Variants in CLVS1 observed in about 807,000 individuals in gnomAD.
CLVS1 encodes the protein clavesin 1.
In CLVS1, 10 loss-of-function variants were observed where a neutral mutation model predicts 33.1. The observed-to-expected ratio is 0.30, with a 90% CI of 0.19 to 0.51. The LOEUF (loss-of-function observed/expected upper bound fraction) is 0.51. CLVS1 is among the 20% of genes least tolerant of loss of function. The pLI is 0.97. For missense variants in CLVS1, 343 were observed against 433.4 expected (o/e 0.79, Z 1.85); for synonymous variants, 163 against 166.1 (o/e 0.98, Z 0.14).
In CLVS1 at chr8:61,421,342, C is replaced by A. The variant is rs147218879; in HGVS notation, c.631-32799C>A. On this transcript the variant is annotated intron_variant, in intron 3 of 5. Transcript: ENST00000325897. ...GAGGAGTATATAAAGCAATGCCCTGCAGAATAAAGACAAAAATAAAGCAAC... is the reference window on the plus strand; with the variant it reads ...GAGGAGTATATAAAGCAATGCCCTGAAGAATAAAGACAAAAATAAAGCAAC... 8.6e-3 allele frequency among the ~76,000 whole-genome samples: 1,305 copies of A among 152,186 alleles called. 13 individuals carry two copies. Among genetic ancestry groups the A allele is most frequent in the South Asian group, 0.04 (191 of 4,808 alleles).
intron 2 of CLVS1, among the ~76,000 whole-genome samples, chr8:61,276,581 A>G (rs1216723561): frequency 1.3e-5 from 2 of 152,228 alleles, no homozygotes; most frequent in East Asian, 1.9e-4. Context: ...AGATTGCACT[A>G]TAATTATTTG....
chr8:61,384,571 T>A (rs1410718793), intron 3 of CLVS1, among the ~76,000 whole-genome samples: 9 of 152,112 alleles, frequency 5.9e-5, no homozygotes, highest in Non-Finnish European at 1.3e-4. Context: ...GGGTGAATGG[T>A]GATGCCGACT....
the CLVS1 span, among the ~76,000 whole-genome samples, chr8:61,050,844 G>T: frequency 2.6e-5 from 4 of 152,208 alleles, no homozygotes. Flanking sequence ...CCGTATCTCT[G>T]GGCAGCTATT....
chr8:61,187,848 CAT>C (rs1486770499), intron 2 of CLVS1, among the ~76,000 whole-genome samples: 7 of 149,494 alleles, frequency 4.7e-5, no homozygotes, highest in African/African-American at 4.9e-5. Context: ...CATGTACACA[CAT>C]ATATGTAATA....
intron 2 of CLVS1, chr8:61,202,860 T>C: frequency 3.2e-6 from 3 of 951,350 alleles, no homozygotes; most frequent in Non-Finnish European, 4.9e-6. Context: ...ATGAAGAAGA[T>C]GATGATGATG....
At chr8:61,469,112 A>G (rs929600686) in intron 5 of CLVS1, among the ~76,000 whole-genome samples, 2 of 152,238 alleles carry the variant, frequency 1.3e-5, no homozygotes, top group Admixed American at 1.3e-4. Flanking sequence ...TGACCACTCA[A>G]CAAATATTTA....
chr8:61,119,131 C>T (rs1805803538), intron 1 of CLVS1, among the ~76,000 whole-genome samples: 1 of 152,092 alleles, frequency 6.6e-6, no homozygotes, highest in Admixed American at 6.6e-5. Flanking sequence ...ATGTAATGGC[C>T]TTCTTTGTCT....
intron 2 of CLVS1, among the ~76,000 whole-genome samples, chr8:61,328,258 G>A (rs1008948154): frequency 3.8e-4 from 58 of 152,156 alleles, no homozygotes; most frequent in African/African-American, 1.0e-3. Context: ...ATAGGGACAC[G>A]TGGCAGAAAA....
intron 5 of CLVS1, among the ~76,000 whole-genome samples, chr8:61,480,474 C>T (rs146800764): frequency 0.087 from 13,221 of 152,152 alleles, 666 homozygotes; most frequent in Non-Finnish European, 0.12. Context: ...TTCCTGGTGC[C>T]GTCTGTCACC....
chr8:61,388,417 C>A (rs1399483691), intron 3 of CLVS1, among the ~76,000 whole-genome samples: 1 of 150,916 alleles, frequency 6.6e-6, no homozygotes, highest in Non-Finnish European at 1.5e-5. Context: ...TATAAAAGAT[C>A]TGAAACGATT....
intron 2 of CLVS1, among the ~76,000 whole-genome samples, chr8:61,344,124 G>A (rs561437586): frequency 4.7e-4 from 72 of 152,078 alleles, no homozygotes; most frequent in Non-Finnish European, 8.8e-4. Flanking sequence ...CACAAAAATT[G>A]TATGGATTTG....
chr8:61,182,318 A>G (rs940346799), intron 2 of CLVS1, among the ~76,000 whole-genome samples: 3 of 152,232 alleles, frequency 2.0e-5, no homozygotes, highest in Non-Finnish European at 4.4e-5. Flanking sequence ...AACAAAAGGT[A>G]AAATTGACAA....
intron 5 of CLVS1, among the ~76,000 whole-genome samples, chr8:61,461,861 C>G (rs1016570680): frequency 6.6e-6 from 1 of 151,862 alleles, no homozygotes; most frequent in Non-Finnish European, 1.5e-5. Flanking sequence ...CTTCTCCATA[C>G]CCTGGAAAAA....
At chr8:61,294,442 A>C (rs1810114761) in intron 1 of CLVS1, among the ~76,000 whole-genome samples, 1 of 152,156 alleles carries the variant, frequency 6.6e-6, no homozygotes, top group East Asian at 1.9e-4. Flanking sequence ...TATCTGACTT[A>C]GCTGTTATGT....
At chr8:61,225,606 G>C (rs897503244) in intron 2 of CLVS1, among the ~76,000 whole-genome samples, 2 of 152,016 alleles carry the variant, frequency 1.3e-5, no homozygotes, top group Non-Finnish European at 2.9e-5. Flanking sequence ...ACCTTTACTG[G>C]TTTTACAGGA....
intron 2 of CLVS1, among the ~76,000 whole-genome samples, chr8:61,175,168 C>T (rs1322545591): frequency 1.3e-5 from 2 of 152,018 alleles, no homozygotes; most frequent in Admixed American, 6.6e-5. Context: ...TATTTGTAGC[C>T]CCCAAAATTC....
At chr8:61,171,433 T>G (rs1236519563) in intron 2 of CLVS1, among the ~76,000 whole-genome samples, 1 of 152,182 alleles carries the variant, frequency 6.6e-6, no homozygotes, top group Non-Finnish European at 1.5e-5. Context: ...ACCTTGTAAA[T>G]CTTGGTCTTA....
At chr8:61,353,548 T>G (rs1357874347) in intron 2 of CLVS1, among the ~76,000 whole-genome samples, 1 of 151,478 alleles carries the variant, frequency 6.6e-6, no homozygotes, top group Non-Finnish European at 1.5e-5. Flanking sequence ...TCCAACTAAA[T>G]GAAAATGAAA....
At chr8:61,131,461 C>T (rs1806097512) in intron 1 of CLVS1, among the ~76,000 whole-genome samples, 1 of 152,114 alleles carries the variant, frequency 6.6e-6, no homozygotes. Flanking sequence ...TTGAGCGTTT[C>T]TGTCTGTGTA....
Sources: gnomAD v4.1 joint callset for allele counts (sites outside exome capture counted in the v4.1 genomes callset) on GRCh38, gnomAD v4.1.1 for gene constraint, MANE v1.5 for transcripts, NCBI Gene and HGNC (gene_info 2026-07-23, HGNC 2026-07-21) for gene names.